Variants in MAGI1 observed in about 807,000 individuals in gnomAD.
The protein encoded by MAGI1 is membrane associated guanylate kinase, WW and PDZ domain containing 1.
In MAGI1, 58 loss-of-function variants were observed where a neutral mutation model predicts 139.9. That is an observed-to-expected ratio of 0.41 (90% CI 0.34 to 0.52). MAGI1 has a LOEUF of 0.52. Among genes scored for constraint, MAGI1 ranks in the 20% least tolerant of loss-of-function variants. The pLI, the probability that MAGI1 is intolerant of heterozygous loss-of-function variation, is 0.12. For synonymous variants in MAGI1, 812 were observed against 737.9 expected (o/e 1.10, Z -1.63); for missense variants, 1,874 against 1,901.6 (o/e 0.99, Z 0.27).
intron 1 of MAGI1, among the ~76,000 whole-genome samples, chr3:66,012,782 G>T (rs895515415): frequency 7.4e-6 from 1 of 134,730 alleles, no homozygotes; most frequent in South Asian, 2.4e-4. Context: ...AAAAAAAAAA[G>T]AATAAATAAG....
intron 1 of MAGI1, among the ~76,000 whole-genome samples, chr3:65,671,455 T>G (rs2086853069): frequency 6.6e-6 from 1 of 152,160 alleles, no homozygotes; most frequent in Non-Finnish European, 1.5e-5. Context: ...AAATGCCCCC[T>G]GCAATTCAAA....
chr3:65,852,447 G>A (rs1031059725), intron 1 of MAGI1, among the ~76,000 whole-genome samples: 3 of 151,452 alleles, frequency 2.0e-5, no homozygotes, highest in East Asian at 1.9e-4. Context: ...ACAGACGTGC[G>A]TATATACACA....
intron 1 of MAGI1, among the ~76,000 whole-genome samples, chr3:65,829,555 C>T (rs941708446): frequency 6.6e-6 from 1 of 152,128 alleles, no homozygotes; most frequent in South Asian, 2.1e-4. Flanking sequence ...CTTGGACTTC[C>T]CAGCTCCCAG....
intron 1 of MAGI1, chr3:65,717,441 T>C (rs1437216764): frequency 1.3e-5 from 2 of 152,196 alleles, no homozygotes; most frequent in East Asian, 3.9e-4. Flanking sequence ...CATATCAATA[T>C]ACACTTTAGT....
At position 65,772,175 on chromosome 3, in the gene MAGI1, G is replaced by A. The variant is rs150170380; in HGVS notation, c.314-150087C>T. On this transcript the variant is annotated intron_variant, in intron 1 of 22. Coordinates refer to ENST00000402939, the MANE Select transcript of MAGI1 (RefSeq NM_001033057.2). ...CATGCCACTGCACTCCAGCTTGAGCGACAGAGCAAGACTCCGTCTCAAGAA... is the reference window on the plus strand; with the variant it reads ...CATGCCACTGCACTCCAGCTTGAGCAACAGAGCAAGACTCCGTCTCAAGAA... Among the ~76,000 whole-genome samples the A allele has an allele frequency of 4.6e-3, 701 of 152,086 alleles. 6 individuals carry two copies. The highest frequency in any genetic ancestry group is 0.017 in the Middle Eastern group (5 of 294).
intron 11 of MAGI1, 40 bp from the exon 12 acceptor site, chr3:65,430,180 C>A: frequency 6.3e-7 from 1 of 1,597,898 alleles, no homozygotes. Flanking sequence ...AAAACAGCAC[C>A]CAGAAAATTG....
intron 22 of MAGI1, chr3:65,360,502 CTA>C (rs1297680322): frequency 1.0e-6 from 1 of 985,066 alleles, no homozygotes; most frequent in East Asian, 1.1e-4. Flanking sequence ...CAAAGGAACT[CTA>C]TGTATAACCT....
chr3:65,429,600 G>A lies in MAGI1; in HGVS notation c.2087C>T (p.Ala696Val). 6.2e-7 allele frequency: 1 copy of A among 1,613,926 alleles called. No homozygotes were observed. The highest frequency in any genetic ancestry group is 8.5e-7 in the Non-Finnish European group (1 of 1,179,920). ...ATCCACCACTTGGTTGTGAGTTAGG[G>A]CCTGCACGTTCTTCTTATTAACTTC... ...IVEVNKKNVQ[A>V]LTHNQVVDML... Residue 696 changes from alanine to valine, a missense_variant, in exon 12 of 23, where the codon GCC becomes GTC. Transcript: ENST00000402939.
chr3:65,550,614 T>G (rs11916056), intron 2 of MAGI1, among the ~76,000 whole-genome samples: 47,581 of 151,964 alleles, frequency 0.31, 7,915 homozygotes, highest in African/African-American at 0.43. Context: ...TCAATTTGAC[T>G]AAACTGGGAT....
intron 1 of MAGI1, among the ~76,000 whole-genome samples, chr3:65,834,786 G>A (rs953021694): frequency 6.6e-5 from 10 of 152,180 alleles, no homozygotes; most frequent in African/African-American, 2.4e-4. Context: ...ATTTAGAATT[G>A]CTATGTCGAC....
intron 1 of MAGI1, among the ~76,000 whole-genome samples, chr3:65,689,694 T>C (rs1037186748): frequency 6.6e-6 from 1 of 152,198 alleles, no homozygotes; most frequent in Admixed American, 6.5e-5. Context: ...CTTCCCACAG[T>C]GAAATGTCAG....
At chr3:65,616,308 G>A (rs1412934883) in intron 2 of MAGI1, among the ~76,000 whole-genome samples, 3 of 152,160 alleles carry the variant, frequency 2.0e-5, no homozygotes, top group Non-Finnish European at 4.4e-5. Flanking sequence ...ATACAGTCAT[G>A]ATGGGTAGAA....
intron 1 of MAGI1, among the ~76,000 whole-genome samples, chr3:66,028,281 T>C (rs1290526326): frequency 1.3e-5 from 2 of 152,172 alleles, no homozygotes; most frequent in African/African-American, 2.4e-5. Flanking sequence ...TCACAGCTGC[T>C]TGTAGGGTAG....
intron 2 of MAGI1, among the ~76,000 whole-genome samples, chr3:65,603,223 A>G (rs2082562270): frequency 6.6e-6 from 1 of 152,174 alleles, no homozygotes; most frequent in Non-Finnish European, 1.5e-5. Context: ...TCCAAACACA[A>G]ATACTTTCCA....
chr3:65,588,866 G>C (rs917033063), intron 2 of MAGI1, among the ~76,000 whole-genome samples: 2 of 152,128 alleles, frequency 1.3e-5, no homozygotes, highest in Non-Finnish European at 2.9e-5. Context: ...TCCATCATTT[G>C]ATTATCGGGT....
chr3:65,607,119 T>C (rs2082782884), intron 2 of MAGI1, among the ~76,000 whole-genome samples: 1 of 151,846 alleles, frequency 6.6e-6, no homozygotes, highest in East Asian at 1.9e-4. Context: ...GTTAAATAAA[T>C]AACAATAACA....
chr3:65,362,785 A>G (rs1254878693), intron 21 of MAGI1, among the ~76,000 whole-genome samples: 1 of 152,188 alleles, frequency 6.6e-6, no homozygotes, highest in African/African-American at 2.4e-5. Flanking sequence ...GCAATTCCCA[A>G]TCTATGTGAC....
chr3:65,395,061 C>T (rs1343199797), intron 13 of MAGI1, among the ~76,000 whole-genome samples: 1 of 152,046 alleles, frequency 6.6e-6, no homozygotes, highest in Non-Finnish European at 1.5e-5. Context: ...ATATAACATC[C>T]AGCCCAGGCC....
intron 1 of MAGI1, among the ~76,000 whole-genome samples, chr3:65,836,886 G>A (rs922386108): frequency 1.3e-5 from 2 of 152,114 alleles, no homozygotes; most frequent in Non-Finnish European, 2.9e-5. Context: ...AATATCTGGT[G>A]CCAAAAACAC....
Sources: allele counts gnomAD v4.1 joint callset (sites outside exome capture counted in the v4.1 genomes callset), GRCh38; gene constraint gnomAD v4.1.1; transcripts MANE v1.5; gene names NCBI Gene and HGNC (gene_info 2026-07-23, HGNC 2026-07-21).